The following SDK1 variants were observed in gnomAD, a reference collection of about 807,000 sequenced individuals.
The protein encoded by SDK1 is protein sidekick-1.
In SDK1, 157 loss-of-function variants were observed where a neutral mutation model predicts 245.5. That is an observed-to-expected ratio of 0.64 (90% CI 0.56 to 0.73). The LOEUF (loss-of-function observed/expected upper bound fraction) is 0.73. Ranked by LOEUF, SDK1 falls within the 30% of genes least tolerant of loss-of-function variation. SDK1 has a pLI of 0.00. For synonymous variants in SDK1, 1,647 were observed against 1,278.5 expected (o/e 1.29, Z -6.15); for missense variants, 3,583 against 3,002.3 (o/e 1.19, Z -4.52).
chr7:3,508,208 A>G (rs1206899729), intron 1 of SDK1, among the ~76,000 whole-genome samples: 1 of 151,624 alleles, frequency 6.6e-6, no homozygotes, highest in African/African-American at 2.4e-5. Flanking sequence ...CTGGTTTCAG[A>G]TTCATGTGGA....
At chr7:4,211,155 A>C (rs142706423) in intron 38 of SDK1, among the ~76,000 whole-genome samples, 42 of 152,322 alleles carry the variant, frequency 2.8e-4, no homozygotes, top group Middle Eastern at 6.8e-3. Flanking sequence ...CCCCCGTCTC[A>C]GTGTCACGAT....
At chr7:3,596,796 TCA>T (rs1781082375) in intron 1 of SDK1, among the ~76,000 whole-genome samples, 1 of 152,176 alleles carries the variant, frequency 6.6e-6, no homozygotes, top group African/African-American at 2.4e-5. Context: ...TAGCCTAAGT[TCA>T]GAGTAACTCA....
chr7:3,362,341 G>T (rs1274054983), intron 1 of SDK1, among the ~76,000 whole-genome samples: 1 of 152,102 alleles, frequency 6.6e-6, no homozygotes. Context: ...TTCTTGGAGA[G>T]GATTTATCTA....
At chr7:3,523,559 G>A (rs1413532460) in intron 1 of SDK1, among the ~76,000 whole-genome samples, 1 of 152,030 alleles carries the variant, frequency 6.6e-6, no homozygotes, top group Non-Finnish European at 1.5e-5. Flanking sequence ...TCCTGTAGAC[G>A]GTCTTTTTCG....
intron 5 of SDK1, among the ~76,000 whole-genome samples, chr7:3,895,886 T>C (rs532837873): frequency 2.0e-5 from 3 of 152,338 alleles, no homozygotes; most frequent in Admixed American, 6.5e-5. Context: ...TCTTTGGCGA[T>C]TTTCCAGATA....
At chr7:3,482,748 A>G (rs2128602615) in intron 1 of SDK1, among the ~76,000 whole-genome samples, 1 of 152,356 alleles carries the variant, frequency 6.6e-6, no homozygotes, top group Admixed American at 6.5e-5. Flanking sequence ...TCTGGAGGAA[A>G]GCAGCTTCCA....
chr7:3,660,283 G>C (rs889998894), intron 4 of SDK1, among the ~76,000 whole-genome samples: 3 of 152,016 alleles, frequency 2.0e-5, no homozygotes, highest in Non-Finnish European at 4.4e-5. Context: ...GGGGTAGCCA[G>C]GAGGGCCCAA....
At position 4,205,977 on chromosome 7, in the gene SDK1, A is replaced by G; in HGVS notation, c.5197A>G (p.Asn1733Asp). 1 of 1,553,992 alleles carries G rather than the reference A, an allele frequency of 6.4e-7. No homozygotes were observed. The highest frequency in any genetic ancestry group is 1.2e-5 in the South Asian group (1 of 83,608). ...DPPPPESQNG[N>D]IQGYKIYYWE... is the part of the protein sequence containing the mutation. ...ACCACCCCCGGAGAGCCAGAATGGG[A>G]ACATCCAAGGCTACAAGGCAAGGCC... Residue 1733 changes from asparagine to aspartate, a missense_variant, in exon 36 of 45, where the codon AAC becomes GAC. Physicochemically the swap from Asn to Asp is conservative, Grantham distance 23. Coordinates refer to ENST00000404826, the MANE Select transcript of SDK1 (RefSeq NM_152744.4).
At chr7:3,952,064 C>A in intron 7 of SDK1, 144 bp downstream of exon 7, 1 of 683,666 alleles carries the variant, frequency 1.5e-6, no homozygotes, top group South Asian at 1.9e-5. Context: ...CCTTCGAAAT[C>A]CTTCCTAGCC....
At position 4,107,111 on chromosome 7, in the gene SDK1, C is replaced by CAGGGTGGGGAGGGTGGGG. The variant is rs545680435; in HGVS notation, c.3325-3515_3325-3498dup. ...CCTCAGGCAGCCGAATACACACATC[C>CAGGGTGGGGAGGGTGGGG]AGGGTGGGGAGGGTGGGGAGGGTGG... is the stretch of plus-strand genomic sequence containing the variant. On this transcript the variant is annotated intron_variant, in intron 22 of 44. Coordinates refer to ENST00000404826, the MANE Select transcript of SDK1 (RefSeq NM_152744.4). 8.6e-3 allele frequency among the ~76,000 whole-genome samples: 268 copies of CAGGGTGGGGAGGGTGGGG among 31,230 alleles called. 2 individuals are homozygous for CAGGGTGGGGAGGGTGGGG. The highest frequency in any genetic ancestry group is 0.018 in the Admixed American group (45 of 2,548). 20.5% of individuals were successfully genotyped at this position (31,230 alleles called of 152,430 possible). A position where few individuals can be genotyped will look rare whatever the true frequency, so the allele number is the denominator to read the frequency against.
At chr7:4,209,744 C>T in intron 37 of SDK1, among the ~76,000 whole-genome samples, 1 of 152,170 alleles carries the variant, frequency 6.6e-6, no homozygotes, top group East Asian at 1.9e-4. Context: ...CTATTTCCAT[C>T]TATTATTCAT....
intron 5 of SDK1, among the ~76,000 whole-genome samples, chr7:3,833,137 A>G (rs1351350062): frequency 1.3e-5 from 2 of 152,118 alleles, no homozygotes; most frequent in Non-Finnish European, 2.9e-5. Flanking sequence ...ACAAATGTCA[A>G]AACTGGAAGT....
At chr7:3,506,087 T>C (rs1189901132) in intron 1 of SDK1, among the ~76,000 whole-genome samples, 7 of 152,212 alleles carry the variant, frequency 4.6e-5, no homozygotes, top group South Asian at 4.1e-4. Context: ...TTATTTCTTT[T>C]TGTAGATGCA....
Position 3,536,205 on chromosome 7 carries a change from C to T in SDK1, c.299-82875C>T, listed in dbSNP as rs553921070. On this transcript the variant is annotated intron_variant, in intron 1 of 44. Transcript: ENST00000404826. ...CCAAGTAGCTGTGACTACAGGCGCC[C>T]GCCACCACACCCAGCTAATTTTTTT... Among the ~76,000 whole-genome samples, 54 of 151,018 alleles carry T rather than the reference C, an allele frequency of 3.6e-4. No individual in the cohort carries two copies. In the East Asian group the frequency reaches 4.2e-3, roughly 12 times the overall value.
chr7:4,110,098 G>A (rs1035987705), intron 22 of SDK1, among the ~76,000 whole-genome samples: 1 of 152,156 alleles, frequency 6.6e-6, no homozygotes, highest in East Asian at 1.9e-4. Flanking sequence ...GACTGGGCCT[G>A]CCGATCTGGC....
rs1464705346 is a variant in SDK1 at position 3,558,826 on chromosome 7, G to C, written c.299-60254G>C. ...GACAAGGCAGTCTATATTAGAGACT[G>C]TCAAAATTATTTCTTAAGAAGCATT... On this transcript the variant is annotated intron_variant, in intron 1 of 44. Coordinates refer to ENST00000404826, the MANE Select transcript of SDK1 (RefSeq NM_152744.4). Among the ~76,000 whole-genome samples the C allele has an allele frequency of 2.6e-5, 4 of 152,264 alleles. No homozygotes were observed. In the East Asian group the frequency reaches 7.7e-4, roughly 29 times the overall value.
chr7:3,577,151 C>T (rs1780320151), intron 1 of SDK1, among the ~76,000 whole-genome samples: 1 of 152,038 alleles, frequency 6.6e-6, no homozygotes, highest in South Asian at 2.1e-4. Context: ...ATGAAATCCA[C>T]ACACACTCCT....
At chr7:3,716,385 C>G (rs2115024008) in intron 4 of SDK1, among the ~76,000 whole-genome samples, 2 of 152,104 alleles carry the variant, frequency 1.3e-5, no homozygotes, top group East Asian at 3.9e-4. Flanking sequence ...TTTCTGAAAG[C>G]TAAGGAAAAA....
intron 4 of SDK1, among the ~76,000 whole-genome samples, chr7:3,648,497 A>C (rs958612937): frequency 2.0e-5 from 3 of 152,248 alleles, no homozygotes; most frequent in African/African-American, 7.2e-5. Flanking sequence ...AAGTATGGGC[A>C]GTAAACAGCA....
Sources: allele counts gnomAD v4.1 joint callset (sites outside exome capture counted in the v4.1 genomes callset), GRCh38; gene constraint gnomAD v4.1.1; transcripts MANE v1.5; gene names NCBI Gene and HGNC (gene_info 2026-07-23, HGNC 2026-07-21).